Variants in EEPD1 observed in about 807,000 individuals in gnomAD.
EEPD1 encodes endonuclease/exonuclease/phosphatase family domain-containing protein 1.
Under a neutral mutation model 46.3 loss-of-function variants are expected in EEPD1, and 17 were observed. The observed-to-expected ratio is 0.37, with a 90% confidence interval of 0.25 to 0.55. The LOEUF is 0.55. Ranked by LOEUF, EEPD1 falls within the 20% of genes least tolerant of loss-of-function variation. The probability of loss-of-function intolerance (pLI) is 0.83; values close to 1 mark genes in which losing one functional copy is unlikely to be tolerated. For synonymous variants in EEPD1, 313 were observed against 315.6 expected, an observed-to-expected ratio of 0.99 and a Z score of 0.09; for missense variants, 673 against 745.6, an observed-to-expected ratio of 0.90 and a Z score of 1.13.
intron 2 of EEPD1, among the ~76,000 whole-genome samples, chr7:36,236,790 A>G (rs1018006494): frequency 6.6e-6 from 1 of 152,246 alleles, no homozygotes; most frequent in Non-Finnish European, 1.5e-5. Flanking sequence ...AAATGCACCA[A>G]TCAGCACTCT....
At chr7:36,207,411 C>A (rs1785841199) in intron 2 of EEPD1, among the ~76,000 whole-genome samples, 1 of 152,184 alleles carries the variant, frequency 6.6e-6, no homozygotes, top group Admixed American at 6.5e-5. Context: ...TGAACATAGT[C>A]CATTTGGGGC....
At chr7:36,256,580 CTTCT>C (rs773910888) in intron 3 of EEPD1, among the ~76,000 whole-genome samples, 19 of 152,226 alleles carry the variant, frequency 1.2e-4, no homozygotes, top group Non-Finnish European at 2.1e-4. Flanking sequence ...ATGTAATGCC[CTTCT>C]TTGTCTTTTT....
In EEPD1 at chr7:36,154,108, C is replaced by T. The variant is rs1784771129; in HGVS notation, c.-192-25C>T. The T allele has an allele frequency of 1.6e-6, 1 of 612,530 alleles. No individual in the cohort carries two copies. The allele number at this position is 612,530 out of a possible 1,614,324, so 37.9% of individuals were successfully genotyped here. ...GCAAATTTCTTAATTCAATGGGTTT[C>T]TATGTTTATTGATTTATTTTCTAGG... On this transcript the variant is annotated intron_variant, in intron 1 of 7. Coordinates refer to ENST00000242108, the MANE Select transcript of EEPD1 (RefSeq NM_030636.3). The surrounding 1 kb of genome is among the most constrained non-coding windows in gnomAD (Gnocchi z 4.2).
At position 36,193,990 on chromosome 7, in the gene EEPD1, C is replaced by T. The variant is rs991607051; in HGVS notation, c.878+38788C>T. Among the ~76,000 whole-genome samples the T allele has an allele frequency of 2.6e-5, 4 of 152,142 alleles. No individual in the cohort carries two copies. Among genetic ancestry groups the T allele is most frequent in the East Asian group, 1.9e-4 (1 of 5,190 alleles). On this transcript the variant is annotated intron_variant, in intron 2 of 7. Coordinates refer to ENST00000242108, the MANE Select transcript of EEPD1 (RefSeq NM_030636.3). The surrounding 1 kb of genome is among the most constrained non-coding windows in gnomAD (Gnocchi z 4.9). ...GGTCCCCACCAGTCCCAGGACTTGCCGGTTCTGGGTTTATTTTGTGTGGTC... is the reference window on the plus strand; with the variant it reads ...GGTCCCCACCAGTCCCAGGACTTGCTGGTTCTGGGTTTATTTTGTGTGGTC...
chr7:36,180,638 T>A (rs1373337243), intron 2 of EEPD1, among the ~76,000 whole-genome samples: 1 of 152,044 alleles, frequency 6.6e-6, no homozygotes, highest in African/African-American at 2.4e-5. Context: ...GGTGACTGAG[T>A]ATTTTAGGAG....
chr7:36,300,138 C>T lies in EEPD1; in HGVS notation c.*932C>T, dbSNP rs1787597115. On this transcript the variant is annotated 3_prime_UTR_variant, in exon 8 of 8. Transcript: ENST00000242108. ...CCCGGAGCCTCCTGTGGTTGACTAT[C>T]AGGAATGTGTGCTGTGTCAGGATAC... 1 of 152,336 alleles carries T rather than the reference C, an allele frequency of 6.6e-6. No homozygotes were observed. The highest frequency in any genetic ancestry group is 6.5e-5 in the Admixed American group (1 of 15,292). 9.4% of individuals were successfully genotyped at this position (152,336 alleles called of 1,614,324 possible).
At chr7:36,169,631 C>T (rs1785043444) in intron 2 of EEPD1, among the ~76,000 whole-genome samples, 1 of 152,122 alleles carries the variant, frequency 6.6e-6, no homozygotes, top group Non-Finnish European at 1.5e-5. Flanking sequence ...CCTTTCACTC[C>T]CTCTTCCCCT....
intron 3 of EEPD1, among the ~76,000 whole-genome samples, chr7:36,247,045 C>T (rs1036433591): frequency 1.3e-5 from 2 of 150,994 alleles, no homozygotes; most frequent in Non-Finnish European, 2.9e-5. Context: ...ATTGCTTGAT[C>T]CTGGGAGGCA....
chr7:36,164,041 T>G (rs1784943380), intron 2 of EEPD1, among the ~76,000 whole-genome samples: 1 of 152,344 alleles, frequency 6.6e-6, no homozygotes, highest in South Asian at 2.1e-4. Context: ...TGATATATAA[T>G]GATATCATCA....
At position 36,193,334 on chromosome 7, in the gene EEPD1, T is replaced by G. The variant is rs189504792; in HGVS notation, c.878+38132T>G. On this transcript the variant is annotated intron_variant, in intron 2 of 7. Coordinates refer to ENST00000242108, the MANE Select transcript of EEPD1 (RefSeq NM_030636.3). This position sits in a 1 kb window ranked among gnomAD's most constrained non-coding sequence, Gnocchi z 4.9. ...GGAGAGTGTGCAGAAGCCTGGAGCC[T>G]GGAGAGGGGAGGAATGAAGGCGGGA... Among the ~76,000 whole-genome samples, 22 of 151,716 alleles carry G rather than the reference T, an allele frequency of 1.5e-4. No individual in the cohort carries two copies. The highest frequency in any genetic ancestry group is 1.3e-3 in the Admixed American group (20 of 15,262).
In EEPD1 at chr7:36,297,214, T is replaced by G. The variant is rs1364450308; in HGVS notation, c.1510+27T>G. ...TGAGGCAGAACTCACTTGTCCTTTCTCCTGTTCAGGAATGGAGTGAGAGAA... is the reference window on the plus strand; with the variant it reads ...TGAGGCAGAACTCACTTGTCCTTTCGCCTGTTCAGGAATGGAGTGAGAGAA... On this transcript the variant is annotated intron_variant, in intron 7 of 7. Coordinates refer to ENST00000242108, the MANE Select transcript of EEPD1 (RefSeq NM_030636.3). 17 of 1,610,364 alleles carry G rather than the reference T, an allele frequency of 1.1e-5. No homozygotes were observed. In the South Asian group the frequency reaches 1.7e-4, roughly 16 times the overall value.
chr7:36,255,002 A>C (rs1317570881), intron 3 of EEPD1, among the ~76,000 whole-genome samples: 2 of 151,880 alleles, frequency 1.3e-5, no homozygotes, highest in African/African-American at 4.8e-5. Context: ...ATTTCTTTTA[A>C]ATTTGCTTAA....
At chr7:36,246,868 G>GT (rs1786648850) in intron 3 of EEPD1, among the ~76,000 whole-genome samples, 1 of 152,136 alleles carries the variant, frequency 6.6e-6, no homozygotes. Flanking sequence ...TCTCACGCCT[G>GT]TAATCCCAGC....
Position 36,213,806 on chromosome 7 carries a change from A to AC in EEPD1, c.879-25172dup, listed in dbSNP as rs552514751. ...TCATGAAATTGATTGGTGGGCGTGT[A>AC]CCCCCCCGGATTGTCGGCTCCACAA... On this transcript the variant is annotated intron_variant, in intron 2 of 7. Transcript: ENST00000242108. Among the ~76,000 whole-genome samples the AC allele has an allele frequency of 1.2e-3, 182 of 151,812 alleles. 4 individuals carry two copies. The South Asian group carries it at 0.019, about 15-fold the overall frequency.
Position 36,246,691 on chromosome 7 carries a change from G to GTT in EEPD1, c.930+7664_930+7665dup, listed in dbSNP as rs576845299. ...CTGTCAGTCCTCCCTGCTGATAGGTGTTTTTTTTTTAGAATTTCAGCTTTG... is the reference window on the plus strand; with the variant it reads ...CTGTCAGTCCTCCCTGCTGATAGGTGTTTTTTTTTTTTAGAATTTCAGCTTTG... On this transcript the variant is annotated intron_variant, in intron 3 of 7. Transcript: ENST00000242108. Among the ~76,000 whole-genome samples, 33 of 148,664 alleles carry GTT rather than the reference G, an allele frequency of 2.2e-4. No individual in the cohort carries two copies. The South Asian group carries it at 6.0e-3, about 27-fold the overall frequency.
chr7:36,240,341 A>G (rs189298671), intron 3 of EEPD1, among the ~76,000 whole-genome samples: 2 of 152,318 alleles, frequency 1.3e-5, no homozygotes, highest in African/African-American at 4.8e-5. Context: ...CTTTAAAATG[A>G]ACACCAACCA....
At position 36,280,540 on chromosome 7, in the gene EEPD1, ACAGC is replaced by A. The variant is rs1158901415; in HGVS notation, c.931-572_931-569del. On this transcript the variant is annotated intron_variant, in intron 3 of 7. Transcript: ENST00000242108. ...ATTTTGCCTCAGTGACAGTCACTTT[ACAGC>A]CATATTGGTGCAACATGCATTAGCA... 2.5e-4 allele frequency among the ~76,000 whole-genome samples: 38 copies of A among 152,228 alleles called. 1 individual carries two copies. The highest frequency in any genetic ancestry group is 2.5e-3 in the Admixed American group (38 of 15,288).
intron 2 of EEPD1, among the ~76,000 whole-genome samples, chr7:36,236,935 G>A (rs1316203127): frequency 2.6e-5 from 4 of 152,202 alleles, no homozygotes; most frequent in Non-Finnish European, 4.4e-5. Flanking sequence ...CAACCCGCTC[G>A]CCTACCATAC....
chr7:36,281,071 T>C (rs1320899418), intron 3 of EEPD1, 44 bp from the exon 4 acceptor site: 1 of 1,583,134 alleles, frequency 6.3e-7, no homozygotes, highest in Non-Finnish European at 8.7e-7. Context: ...CGGGACTGCT[T>C]TAGGCGCGAA....
Sources: allele counts gnomAD v4.1 joint callset (sites outside exome capture counted in the v4.1 genomes callset), GRCh38; gene constraint gnomAD v4.1.1; non-coding constraint Gnocchi (gnomAD v3.1); transcripts MANE v1.5; gene names NCBI Gene and HGNC (gene_info 2026-07-23, HGNC 2026-07-21).